Variants in ARAP2 observed in about 807,000 individuals in gnomAD.
ARAP2 encodes the protein ArfGAP with RhoGAP domain, ankyrin repeat and PH domain 2.
In ARAP2, 148 loss-of-function variants were observed where a neutral mutation model predicts 194.5. The observed-to-expected ratio is 0.76, with a 90% CI of 0.67 to 0.87. ARAP2 has a LOEUF of 0.87. ARAP2 is among the 40% of genes least tolerant of loss of function. The probability of loss-of-function intolerance (pLI) is 0.00; values close to 1 mark genes in which losing one functional copy is unlikely to be tolerated. For synonymous variants in ARAP2, 695 were observed against 683.5 expected (o/e 1.02, Z -0.26); for missense variants, 2,128 against 1,989.7 (o/e 1.07, Z -1.32).
At chr4:36,219,733 T>C (rs1054688447) in intron 2 of ARAP2, among the ~76,000 whole-genome samples, 2 of 152,074 alleles carry the variant, frequency 1.3e-5, no homozygotes, top group Non-Finnish European at 2.9e-5. Flanking sequence ...AATATATACA[T>C]AAAATATTGG....
Position 36,229,451 on chromosome 4 carries a change from T to A in ARAP2, c.36A>T (p.Lys12Asn). The A allele has an allele frequency of 6.2e-7, 1 of 1,612,638 alleles. No homozygotes were observed. The highest frequency in any genetic ancestry group is 8.5e-7 in the Non-Finnish European group (1 of 1,179,014). Residue 12 changes from lysine to asparagine, a missense_variant, in exon 2 of 33, where the codon AAA becomes AAT. Lys to Asn is a moderately conservative substitution (Grantham distance 94). Transcript: ENST00000303965. Reference sequence around the variant, plus strand: ...CCAAATTAATGCTCATTAGGAAATCTTTTATATCCACATTTACTTCACTGA... The same window carrying A: ...CCAAATTAATGCTCATTAGGAAATCATTTATATCCACATTTACTTCACTGA... ...SSVSEVNVDI[K>N]DFLMSINLEQ...
intron 5 of ARAP2, among the ~76,000 whole-genome samples, chr4:36,030,915 A>G (rs1718837304): frequency 6.6e-6 from 1 of 151,652 alleles, no homozygotes; most frequent in Non-Finnish European, 1.5e-5. Flanking sequence ...GTGGATCACA[A>G]GGTCAAAAGA....
chr4:36,205,466 A>G (rs1339586496), intron 6 of ARAP2, among the ~76,000 whole-genome samples: 1 of 152,232 alleles, frequency 6.6e-6, no homozygotes, highest in African/African-American at 2.4e-5. Flanking sequence ...ATGTGCTTTT[A>G]TAACAATCAA....
intron 6 of ARAP2, among the ~76,000 whole-genome samples, chr4:36,201,755 G>A (rs1180764642): frequency 1.3e-5 from 2 of 151,524 alleles, no homozygotes; most frequent in Non-Finnish European, 2.9e-5. Flanking sequence ...CTCACACAGA[G>A]GCACTCTTGT....
intron 9 of ARAP2, 114 bp from the exon 10 acceptor site, chr4:36,167,161 T>G: frequency 1.5e-6 from 1 of 674,398 alleles, no homozygotes; most frequent in South Asian, 2.2e-5. Context: ...ACAAAATCAG[T>G]CTCACTTTAG....
At chr4:36,234,420 C>A (rs1381648036) in intron 1 of ARAP2, among the ~76,000 whole-genome samples, 1 of 152,204 alleles carries the variant, frequency 6.6e-6, no homozygotes, top group Non-Finnish European at 1.5e-5. Context: ...CCAAACCCCA[C>A]CTCTTAATAC....
chr4:36,169,226 G>A (rs560931112), intron 9 of ARAP2, among the ~76,000 whole-genome samples: 1 of 152,270 alleles, frequency 6.6e-6, no homozygotes, highest in East Asian at 1.9e-4. Flanking sequence ...CCTCCATAAT[G>A]AGGCATTTGA....
At chr4:36,040,960 G>A (rs370048214) in intron 5 of ARAP2, among the ~76,000 whole-genome samples, 5 of 152,006 alleles carry the variant, frequency 3.3e-5, no homozygotes, top group East Asian at 1.9e-4. Flanking sequence ...GGTATTGGCC[G>A]TGGCCTGTTG....
At chr4:36,147,261 T>C in intron 19 of ARAP2, 35 bp downstream of exon 19, 2 of 1,584,350 alleles carry the variant, frequency 1.3e-6, no homozygotes, top group Non-Finnish European at 1.7e-6. Flanking sequence ...CCCAGAGTTG[T>C]TGAGATAAGG....
chr4:36,140,137 A>AC (rs1553917251), intron 19 of ARAP2, among the ~76,000 whole-genome samples: 28 of 47,640 alleles, frequency 5.9e-4, no homozygotes, highest in African/African-American at 1.4e-3. Flanking sequence ...AAACAAAAAC[A>AC]ATACACACAC....
At chr4:36,112,993 C>G (rs1279195813) in intron 26 of ARAP2, among the ~76,000 whole-genome samples, 1 of 151,476 alleles carries the variant, frequency 6.6e-6, no homozygotes, top group Non-Finnish European at 1.5e-5. Flanking sequence ...CAAGGAAAAC[C>G]CAATGTTTAG....
intron 9 of ARAP2, among the ~76,000 whole-genome samples, chr4:36,008,847 C>A (rs1713847024): frequency 6.6e-6 from 1 of 151,924 alleles, no homozygotes; most frequent in African/African-American, 2.4e-5. Flanking sequence ...AACAAATCAA[C>A]AAGTAAAATA....
chr4:36,017,465 G>A (rs915253736), intron 6 of ARAP2, among the ~76,000 whole-genome samples: 11 of 147,376 alleles, frequency 7.5e-5, no homozygotes, highest in African/African-American at 2.5e-4. Flanking sequence ...GAGAATAAGA[G>A]AGAAAGGGAG....
Position 36,244,176 on chromosome 4 carries a change from C to T in ARAP2, c.-160+3G>A, listed in dbSNP as rs1754171766. Reference sequence around the variant, plus strand: ...CAGCCTTCCCGAGGCCCCGGGTACTCGCCTTGCGCTCGGGTCGCGGAGTTC... The same window carrying T: ...CAGCCTTCCCGAGGCCCCGGGTACTTGCCTTGCGCTCGGGTCGCGGAGTTC... On this transcript the variant is annotated splice_donor_region_variant and intron_variant, in intron 1 of 32. Coordinates refer to ENST00000303965, the MANE Select transcript of ARAP2 (RefSeq NM_015230.4). The T allele has an allele frequency of 6.6e-6, 1 of 152,096 alleles. No homozygotes were observed. Among genetic ancestry groups the T allele is most frequent in the Non-Finnish European group, 1.5e-5 (1 of 68,056 alleles). The allele number at this position is 152,096 out of a possible 1,614,324, so 9.4% of individuals were successfully genotyped here.
At chr4:36,162,647 C>A (rs1734367157) in intron 11 of ARAP2, among the ~76,000 whole-genome samples, 1 of 144,770 alleles carries the variant, frequency 6.9e-6, no homozygotes, top group Non-Finnish European at 1.5e-5. Flanking sequence ...AGCACAAAGC[C>A]CTAAATTCCC....
At chr4:36,119,940 G>T (rs1220130352) in intron 23 of ARAP2, among the ~76,000 whole-genome samples, 1 of 151,462 alleles carries the variant, frequency 6.6e-6, no homozygotes, top group African/African-American at 2.4e-5. Context: ...ACTTCAGGCT[G>T]CAATTGCATT....
At chr4:36,114,343 T>A in intron 25 of ARAP2, 56 bp from the exon 26 acceptor site, 4 of 1,070,798 alleles carry the variant, frequency 3.7e-6, no homozygotes, top group South Asian at 1.4e-5. Context: ...AGTAGCCTTA[T>A]GCTAGGTCAA....
intron 2 of ARAP2, among the ~76,000 whole-genome samples, chr4:36,216,232 G>A (rs1016728464): frequency 1.3e-5 from 2 of 152,004 alleles, no homozygotes; most frequent in Non-Finnish European, 2.9e-5. Context: ...CTCCAGCCTG[G>A]GCAACAGAAC....
chr4:36,118,664 CCTTTATTTCATGACTAAAGA>C (rs1721986970), intron 24 of ARAP2, among the ~76,000 whole-genome samples: 1 of 151,344 alleles, frequency 6.6e-6, no homozygotes, highest in Non-Finnish European at 1.5e-5. Flanking sequence ...CTCACACAAT[CCTTTATTTCATGACTAAAGA>C]CTTCCTCCCC....
Sources: gnomAD v4.1 joint callset for allele counts (sites outside exome capture counted in the v4.1 genomes callset) on GRCh38, gnomAD v4.1.1 for gene constraint, MANE v1.5 for transcripts, NCBI Gene and HGNC (gene_info 2026-07-23, HGNC 2026-07-21) for gene names.